Variants in AP4E1 observed in about 807,000 individuals in gnomAD.
AP4E1 encodes adaptor related protein complex 4 subunit epsilon 1.
In AP4E1, 56 loss-of-function variants were observed where a neutral mutation model predicts 128.2. The ratio of observed to expected loss-of-function variants is 0.44; its 90% CI spans 0.35 to 0.55. AP4E1 has a LOEUF of 0.55. AP4E1 is among the 20% of genes least tolerant of loss of function. The pLI is 0.00. For missense variants in AP4E1, 1,324 were observed against 1,307.7 expected (o/e 1.01, Z -0.19); for synonymous variants, 484 against 473.1 (o/e 1.02, Z -0.30).
chr15:50,974,000 C>T (rs749960562), intron 15 of AP4E1, among the ~76,000 whole-genome samples: 1 of 152,174 alleles, frequency 6.6e-6, no homozygotes, highest in Non-Finnish European at 1.5e-5. Flanking sequence ...GAATCTTGCT[C>T]TGTCGCCTAG....
chr15:50,914,870 A>G (rs2063610248), intron 2 of AP4E1, among the ~76,000 whole-genome samples: 1 of 152,208 alleles, frequency 6.6e-6, no homozygotes, highest in African/African-American at 2.4e-5. Flanking sequence ...TAGCTATGCC[A>G]TTAATGAAAT....
chr15:50,993,578 G>A lies in AP4E1; in HGVS notation c.2299G>A (p.Ala767Thr), dbSNP rs1446336139. ...SKEEKEKQLL[A>T]SSLFVGLGSE... ...AGAGGAGAAAGAAAAGCAGCTGCTG[G>A]CATCATCATTATTTGTTGGTCTAGG... The change falls in exon 17 of 21, where the codon GCA becomes ACA. Residue 767 changes from alanine (A) to threonine (T), a missense_variant. By Grantham distance (58) the Ala-to-Thr change is moderately conservative. Transcript: ENST00000261842. 1.2e-6 allele frequency: 2 copies of A among 1,613,930 alleles called. No homozygotes were observed. Among genetic ancestry groups the A allele is most frequent in the Non-Finnish European group, 1.7e-6 (2 of 1,179,910 alleles).
At chr15:50,943,740 A>G (rs534734826) in intron 10 of AP4E1, among the ~76,000 whole-genome samples, 1 of 152,278 alleles carries the variant, frequency 6.6e-6, no homozygotes, top group East Asian at 1.9e-4. Context: ...TGAACCATGT[A>G]TATATTTATA....
At chr15:50,963,042 C>T (rs2064337916) in intron 14 of AP4E1, among the ~76,000 whole-genome samples, 1 of 151,846 alleles carries the variant, frequency 6.6e-6, no homozygotes, top group Non-Finnish European at 1.5e-5. Flanking sequence ...ATCAAAACCA[C>T]CATGAGATAT....
rs544761116 is a variant in AP4E1, at chr15:50,910,131, C to T, written c.150+1203C>T. Among the ~76,000 whole-genome samples, 11 of 152,340 alleles carry T rather than the reference C, an allele frequency of 7.2e-5. No homozygotes were observed. In the South Asian group the frequency reaches 1.4e-3, roughly 20 times the overall value. Reference sequence around the variant, plus strand: ...CCTCCCAAGTAGCTGGGATTATAGGCGTATGCCACTACGCCCGGCTAATTT... The same window carrying T: ...CCTCCCAAGTAGCTGGGATTATAGGTGTATGCCACTACGCCCGGCTAATTT... On this transcript the variant is annotated intron_variant, in intron 1 of 20. Coordinates refer to ENST00000261842, the MANE Select transcript of AP4E1 (RefSeq NM_007347.5).
chr15:50,929,385 T>G (rs2063805006), intron 6 of AP4E1, among the ~76,000 whole-genome samples: 1 of 152,124 alleles, frequency 6.6e-6, no homozygotes, highest in Admixed American at 6.6e-5. Flanking sequence ...AATTTTTTGA[T>G]GTTACTAAAC....
chr15:50,976,551 A>G (rs1180213450), intron 15 of AP4E1, among the ~76,000 whole-genome samples: 1 of 152,234 alleles, frequency 6.6e-6, no homozygotes, highest in Non-Finnish European at 1.5e-5. Flanking sequence ...AAGAAAAAGA[A>G]GAGAGGTATT....
chr15:50,908,454 C>T (rs903119163), upstream of AP4E1: 5 of 258,480 alleles, frequency 1.9e-5, no homozygotes, highest in African/African-American at 1.1e-4. Context: ...GAGACAGTGC[C>T]TAACAGGGCC....
chr15:50,975,385 A>G (rs945455254), intron 15 of AP4E1, among the ~76,000 whole-genome samples: 1 of 152,250 alleles, frequency 6.6e-6, no homozygotes, highest in Non-Finnish European at 1.5e-5. Context: ...AGCCTGAGCA[A>G]CAAGAGCAAA....
At chr15:50,951,851 C>T (rs773013767) in intron 13 of AP4E1, among the ~76,000 whole-genome samples, 2 of 151,580 alleles carry the variant, frequency 1.3e-5, no homozygotes, top group Middle Eastern at 3.4e-3. Flanking sequence ...CTTGGCATCC[C>T]GAGTTGCTGG....
intron 15 of AP4E1, among the ~76,000 whole-genome samples, chr15:50,970,628 T>C (rs762059807): frequency 1.3e-4 from 20 of 152,342 alleles, no homozygotes; most frequent in Non-Finnish European, 2.2e-4. Context: ...CTTTGTCTCC[T>C]TTTACAGCTT....
intron 17 of AP4E1, among the ~76,000 whole-genome samples, chr15:50,994,981 G>T (rs1435218813): frequency 5.3e-5 from 8 of 152,058 alleles, no homozygotes; most frequent in Admixed American, 5.2e-4. Context: ...AGTAGAAAAA[G>T]GAGTGTATTT....
chr15:50,937,489 T>C (rs1162351153), intron 8 of AP4E1, among the ~76,000 whole-genome samples: 1 of 152,226 alleles, frequency 6.6e-6, no homozygotes. Flanking sequence ...TGAAGAAGTA[T>C]AATATATGAC....
In AP4E1 at chr15:50,950,171, T is replaced by TATTA. The variant is rs2064129416; in HGVS notation, c.1548+2_1548+3insATTA. On this transcript the variant is annotated splice_region_variant and intron_variant, in intron 13 of 20. Transcript: ENST00000261842. The stretch of plus-strand genomic sequence containing the variant: ...AGATTTCTTCAAGTTATGAGTTGGG[T>TATTA]GAGCAAAGTACCTTAAATCATAAAT... The TATTA allele has an allele frequency of 6.4e-7, 1 of 1,561,096 alleles. No individual in the cohort carries two copies. The highest frequency in any genetic ancestry group is 8.8e-7 in the Non-Finnish European group (1 of 1,132,962).
intron 13 of AP4E1, among the ~76,000 whole-genome samples, chr15:50,951,003 CT>C (rs2064141920): frequency 6.6e-6 from 1 of 152,114 alleles, no homozygotes; most frequent in Admixed American, 6.5e-5. Context: ...ACTACATTTT[CT>C]TTATCCAGTC....
intron 2 of AP4E1, among the ~76,000 whole-genome samples, chr15:50,915,032 C>A (rs1421275094): frequency 6.6e-6 from 1 of 152,100 alleles, no homozygotes; most frequent in Non-Finnish European, 1.5e-5. Context: ...GGAATTATTA[C>A]CAACTTGTGG....
chr15:50,942,668 A>G (rs1182106274), intron 10 of AP4E1, among the ~76,000 whole-genome samples: 2 of 148,226 alleles, frequency 1.3e-5, no homozygotes, highest in Non-Finnish European at 3.0e-5. Context: ...TGTATATTAC[A>G]TTTTAATATA....
In AP4E1 at chr15:51,002,599, C is replaced by T. The variant is rs371690344; in HGVS notation, c.3351C>T (p.Ser1117=). 66 of 1,614,168 alleles carry T rather than the reference C, an allele frequency of 4.1e-5. No homozygotes were observed. In the African/African-American group the frequency reaches 8.7e-4, roughly 21 times the overall value. Residue 1117 remains serine, a synonymous_variant, in exon 21 of 21, where the codon TCC becomes TCT. Coordinates refer to ENST00000261842, the MANE Select transcript of AP4E1 (RefSeq NM_007347.5). The stretch of plus-strand genomic sequence containing the variant: ...ATGTATTAGCCCTGTGGTTCAGATC[C>T]TCCTGTTCTACTCTTCCTGACTATT... ...HADVLALWFR[S]SCSTLPDYLL... is the part of the protein sequence containing the mutation.
At position 50,995,140 on chromosome 15, in the gene AP4E1, G is replaced by T. The variant is rs555613606; in HGVS notation, c.2346+1515G>T. On this transcript the variant is annotated intron_variant, in intron 17 of 20. Transcript: ENST00000261842. ...CTTCCTCTGATACTGGGGCAAAGCA[G>T]ACAGGATTGGGACTAACTGAATGTG... 8.1e-4 allele frequency among the ~76,000 whole-genome samples: 124 copies of T among 152,268 alleles called. 2 individuals carry two copies. Among genetic ancestry groups the T allele is most frequent in the African/African-American group, 2.9e-3 (121 of 41,546 alleles).
Sources: allele counts gnomAD v4.1 joint callset (sites outside exome capture counted in the v4.1 genomes callset), GRCh38; gene constraint gnomAD v4.1.1; transcripts MANE v1.5; gene names NCBI Gene and HGNC (gene_info 2026-07-23, HGNC 2026-07-21).